TBC1D13: variants seen among roughly 807,000 people sequenced by gnomAD.
TBC1D13 encodes the protein TBC1 domain family member 13.
In TBC1D13, 40 loss-of-function variants were observed where a neutral mutation model predicts 53.6. That is an observed-to-expected ratio of 0.75 (90% CI 0.58 to 0.97). The LOEUF (loss-of-function observed/expected upper bound fraction) is 0.97, where lower values mean the gene tolerates loss of function less well. Ranked by LOEUF, TBC1D13 falls within the 50% of genes least tolerant of loss-of-function variation. The pLI, the probability that TBC1D13 is intolerant of heterozygous loss-of-function variation, is 0.00. For synonymous variants in TBC1D13, 182 were observed against 197.7 expected, an observed-to-expected ratio of 0.92 and a Z score of 0.67; for missense variants, 377 against 499.4, an observed-to-expected ratio of 0.75 and a Z score of 2.34.
At chr9:128,800,524 CCA>C in intron 7 of TBC1D13, among the ~76,000 whole-genome samples, 1 of 151,978 alleles carries the variant, frequency 6.6e-6, no homozygotes, top group Non-Finnish European at 1.5e-5. Context: ...GCGCGTGCCA[CCA>C]CACCTGGCTA....
At chr9:128,793,560 A>G (rs1330713682) in intron 6 of TBC1D13, among the ~76,000 whole-genome samples, 1 of 152,090 alleles carries the variant, frequency 6.6e-6, no homozygotes, top group African/African-American at 2.4e-5. Flanking sequence ...TCATTACTCT[A>G]TTGTGAAGTA....
chr9:128,791,617 G>T lies in TBC1D13; in HGVS notation c.224G>T (p.Arg75Met), dbSNP rs1182495665. Residue 75 changes from arginine (R) to methionine (M), a missense_variant, in exon 5 of 12, where the codon AGG becomes ATG. Arg to Met is a moderately conservative substitution (Grantham distance 91). Transcript: ENST00000372648. ...KQRELYAQFL[R>M]EMIIQPGIAK... ...AGGGAGCTGTATGCCCAGTTCCTGA[G>T]GGAAATGATCATCCAGCCTGGCATT... 6.2e-7 allele frequency: 1 copy of T among 1,614,220 alleles called. No homozygotes were observed. The highest frequency in any genetic ancestry group is 1.3e-5 in the African/African-American group (1 of 75,062).
At chr9:128,790,651 TC>T in intron 2 of TBC1D13, 83 bp from the exon 3 acceptor site, 1 of 1,318,920 alleles carries the variant, frequency 7.6e-7, no homozygotes. Flanking sequence ...CCCACTCTAC[TC>T]CCCGCCAGTT....
Position 128,799,358 on chromosome 9 carries a change from G to C in TBC1D13, c.543+2144G>C, listed in dbSNP as rs537914538. Among the ~76,000 whole-genome samples the C allele has an allele frequency of 3.9e-5, 6 of 152,300 alleles. No homozygotes were observed. The East Asian group carries it at 1.2e-3, about 29-fold the overall frequency. On this transcript the variant is annotated intron_variant, in intron 7 of 11. Coordinates refer to ENST00000372648, the MANE Select transcript of TBC1D13 (RefSeq NM_018201.5). The stretch of plus-strand genomic sequence containing the variant: ...GGGCAGTTTGAGTTAAAGACCATCT[G>C]TGTGACTCTGGGCAAGTCACACATA...
intron 6 of TBC1D13, among the ~76,000 whole-genome samples, chr9:128,793,936 G>A (rs1169319447): frequency 6.6e-6 from 1 of 152,224 alleles, no homozygotes; most frequent in Non-Finnish European, 1.5e-5. Context: ...TGCCTTCTGA[G>A]AGCTTCCAGT....
chr9:128,806,104 G>T (rs1829827684), intron 10 of TBC1D13, 85 bp downstream of exon 10: 1 of 1,582,200 alleles, frequency 6.3e-7, no homozygotes, highest in South Asian at 1.1e-5. Flanking sequence ...CCGAAGGGTG[G>T]GCAGGGCTGC....
At position 128,797,148 on chromosome 9, in the gene TBC1D13, T is replaced by C. The variant is rs1004659315; in HGVS notation, c.477T>C (p.Arg159=). ...CCCAGAATGAGTTTGAAACCCTTCG[T>C]AAGAGAGTGGAACAGACAACACTGA... The part of the protein sequence containing the change: ...LDPQNEFETL[R]KRVEQTTLKS... Residue 159 remains arginine (R), a synonymous_variant, in exon 7 of 12, where the codon CGT becomes CGC. Coordinates refer to ENST00000372648, the MANE Select transcript of TBC1D13 (RefSeq NM_018201.5). 1.9e-6 allele frequency: 3 copies of C among 1,613,934 alleles called. No individual in the cohort carries two copies. In the African/African-American group the frequency reaches 4.0e-5, roughly 22 times the overall value.
rs371348955 is a variant in TBC1D13 at position 128,787,274 on chromosome 9, G to T, written c.-80G>T. 2.6e-4 allele frequency: 318 copies of T among 1,240,832 alleles called. 4 individuals are homozygous for T. In the East Asian group the frequency reaches 6.9e-3, roughly 27 times the overall value. The allele number at this position is 1,240,832 out of a possible 1,614,324, so 76.9% of individuals were successfully genotyped here. A position where few individuals can be genotyped will look rare whatever the true frequency, so the allele number is the denominator to read the frequency against. On this transcript the variant is annotated 5_prime_UTR_variant, in exon 1 of 12. Coordinates refer to ENST00000372648, the MANE Select transcript of TBC1D13 (RefSeq NM_018201.5). ...TTTTGCGCAGAGCCCCGCGTCCCTG[G>T]GGGGCGGCGGCGGCGGCGGCAGCGC...
At position 128,804,009 on chromosome 9, in the gene TBC1D13, C is replaced by T. The variant is rs1012809141; in HGVS notation, c.808C>T (p.Arg270Trp). 8.1e-6 allele frequency: 13 copies of T among 1,613,892 alleles called. No individual in the cohort carries two copies. The highest frequency in any genetic ancestry group is 6.7e-5 in the East Asian group (3 of 44,902). ...FCFTNLMAEI[R>W]DNFIKSLDDS... is the part of the protein sequence containing the mutation. ...CTTCACCAACCTCATGGCCGAGATC[C>T]GGGACAACTTTATCAAGAGCCTGGA... The change falls in exon 9 of 12, where the codon CGG becomes TGG. Residue 270 changes from arginine (R) to tryptophan (W), a missense_variant. By Grantham distance (101) the Arg-to-Trp change is moderately radical (BLOSUM62 -3). Transcript: ENST00000372648.
chr9:128,806,940 T>G (rs1404004374), intron 11 of TBC1D13, among the ~76,000 whole-genome samples: 2 of 150,702 alleles, frequency 1.3e-5, no homozygotes, highest in Non-Finnish European at 1.5e-5. Context: ...CAAGACTCTG[T>G]CTCAGAAAAA....
At chr9:128,788,061 A>G (rs1829462147) in intron 1 of TBC1D13, among the ~76,000 whole-genome samples, 1 of 152,190 alleles carries the variant, frequency 6.6e-6, no homozygotes. Context: ...GTCTAATTTT[A>G]TGGTCCTCAT....
At chr9:128,805,620 G>A (rs1464397247) in intron 9 of TBC1D13, among the ~76,000 whole-genome samples, 1 of 152,322 alleles carries the variant, frequency 6.6e-6, no homozygotes, top group East Asian at 1.9e-4. Context: ...ATTATATAAA[G>A]GTTTGGGTTT....
chr9:128,796,619 T>C (rs2132539757), intron 6 of TBC1D13, among the ~76,000 whole-genome samples: 1 of 152,126 alleles, frequency 6.6e-6, no homozygotes, highest in East Asian at 1.9e-4. Flanking sequence ...TCTTGACCTC[T>C]AGTGATTCAA....
intron 7 of TBC1D13, among the ~76,000 whole-genome samples, chr9:128,797,420 G>A (rs1378067001): frequency 1.3e-5 from 2 of 152,160 alleles, no homozygotes; most frequent in Non-Finnish European, 2.9e-5. Flanking sequence ...AATGGCTGCT[G>A]GGAAGGGCCC....
At position 128,797,196 on chromosome 9, in the gene TBC1D13, C is replaced by T. The variant is rs1338476520; in HGVS notation, c.525C>T (p.Asn175=). The T allele has an allele frequency of 1.9e-6, 3 of 1,613,898 alleles. No homozygotes were observed. Among genetic ancestry groups the T allele is most frequent in the Non-Finnish European group, 2.5e-6 (3 of 1,179,970 alleles). The change falls in exon 7 of 12, where the codon AAC becomes AAT. Residue 175 remains asparagine (N), a synonymous_variant. Coordinates refer to ENST00000372648, the MANE Select transcript of TBC1D13 (RefSeq NM_018201.5). ...TGAAATCTCAGACGGTGGCCCGGAA[C>T]CGGAGTGGGGTCACAAATGTGAGTG... ...TTLKSQTVAR[N]RSGVTNMSSP...
intron 8 of TBC1D13, 85 bp from the exon 9 acceptor site, chr9:128,803,869 GGC>G: frequency 6.5e-7 from 1 of 1,546,626 alleles, no homozygotes; most frequent in African/African-American, 1.4e-5. Flanking sequence ...AACTCGGCGG[GGC>G]TCAGAGCAGG....
intron 11 of TBC1D13, among the ~76,000 whole-genome samples, chr9:128,806,928 A>G (rs185184569): frequency 1.9e-4 from 28 of 151,076 alleles, no homozygotes; most frequent in Non-Finnish European, 3.1e-4. Context: ...TGGGGGACAG[A>G]GCAAGACTCT....
At chr9:128,793,810 C>G (rs1189749507) in intron 6 of TBC1D13, among the ~76,000 whole-genome samples, 2 of 152,180 alleles carry the variant, frequency 1.3e-5, no homozygotes, top group South Asian at 4.1e-4. Context: ...CTCTCAGGTG[C>G]CCAAGTCAGT....
intron 7 of TBC1D13, among the ~76,000 whole-genome samples, chr9:128,800,987 C>A (rs999489173): frequency 3.3e-5 from 5 of 151,970 alleles, no homozygotes; most frequent in Non-Finnish European, 7.4e-5. Context: ...CATGGTGGAA[C>A]CCCCTCTCTA....
Sources: gnomAD v4.1 joint callset for allele counts (sites outside exome capture counted in the v4.1 genomes callset) on GRCh38, gnomAD v4.1.1 for gene constraint, MANE v1.5 for transcripts, NCBI Gene and HGNC (gene_info 2026-07-23, HGNC 2026-07-21) for gene names.